The following ABI2 variants were observed in gnomAD, a reference collection of about 807,000 sequenced individuals.
ABI2 encodes abl interactor 2.
ABI2 carries 25 observed loss-of-function variants against 59.2 expected under a neutral mutation model. The ratio of observed to expected loss-of-function variants is 0.42; its 90% CI spans 0.31 to 0.59. The LOEUF (loss-of-function observed/expected upper bound fraction) is 0.59, where lower values mean the gene tolerates loss of function less well. Among genes scored for constraint, ABI2 ranks in the 20% least tolerant of loss-of-function variants. The pLI, the probability that ABI2 is intolerant of heterozygous loss-of-function variation, is 0.14. For missense variants in ABI2, 545 were observed against 681.8 expected, an observed-to-expected ratio of 0.80 and a Z score of 2.23; for synonymous variants, 213 against 235.5, an observed-to-expected ratio of 0.90 and a Z score of 0.87.
At chr2:203,381,888 C>A (rs1005314450) in intron 3 of ABI2, among the ~76,000 whole-genome samples, 3 of 152,078 alleles carry the variant, frequency 2.0e-5, no homozygotes, top group African/African-American at 7.2e-5. Flanking sequence ...GTTTTTCTTT[C>A]AGGATTCTAG....
chr2:203,371,784 G>A (rs928242226), intron 2 of ABI2, among the ~76,000 whole-genome samples: 3 of 151,870 alleles, frequency 2.0e-5, no homozygotes, highest in South Asian at 2.1e-4. Context: ...TTATTATAAG[G>A]ATGAATGTTG....
intron 1 of ABI2, among the ~76,000 whole-genome samples, chr2:203,353,821 T>TAA (rs2090364659): frequency 6.6e-6 from 1 of 152,206 alleles, no homozygotes; most frequent in African/African-American, 2.4e-5. Flanking sequence ...AACTCTTATC[T>TAA]GTTTCTTCTG....
At chr2:203,330,948 A>G (rs971197126) in intron 1 of ABI2, among the ~76,000 whole-genome samples, 2 of 152,186 alleles carry the variant, frequency 1.3e-5, no homozygotes, top group East Asian at 1.9e-4. Flanking sequence ...CGTTACTACT[A>G]TCAATCTCTG....
At chr2:203,350,827 T>A (rs2087613505) in intron 1 of ABI2, among the ~76,000 whole-genome samples, 1 of 151,798 alleles carries the variant, frequency 6.6e-6, no homozygotes, top group African/African-American at 2.4e-5. Context: ...CATGAGCCAC[T>A]GTTCCCGGCC....
intron 9 of ABI2, among the ~76,000 whole-genome samples, chr2:203,405,143 A>G (rs560168034): frequency 1.3e-5 from 2 of 152,312 alleles, no homozygotes; most frequent in African/African-American, 4.8e-5. Context: ...GTGTGAGTCA[A>G]TTTAGTTGTG....
At chr2:203,421,464 T>A (rs2098202464) in intron 11 of ABI2, among the ~76,000 whole-genome samples, 2 of 152,250 alleles carry the variant, frequency 1.3e-5, no homozygotes, top group Non-Finnish European at 2.9e-5. Context: ...GCAAACGGAT[T>A]GAGTTACTCA....
intron 6 of ABI2, 55 bp downstream of exon 6, chr2:203,394,901 A>G: frequency 6.4e-7 from 1 of 1,572,152 alleles, no homozygotes; most frequent in Non-Finnish European, 8.7e-7. Flanking sequence ...TAATCTGTTC[A>G]GATTACTTCA....
chr2:203,399,155 C>G (rs1253830955), intron 8 of ABI2, among the ~76,000 whole-genome samples: 3 of 152,312 alleles, frequency 2.0e-5, no homozygotes, highest in East Asian at 3.9e-4. Flanking sequence ...TAATTTTACA[C>G]TCCCAGCAGC....
Position 203,370,239 on chromosome 2 carries a change from T to C in ABI2, c.285+3195T>C, listed in dbSNP as rs1404870700. ...CTCTCTCTCTCTCTTTCTGTGTGTATGTGTGTGTGTGTACTTTTTTTTTTT... is the reference window on the plus strand; with the variant it reads ...CTCTCTCTCTCTCTTTCTGTGTGTACGTGTGTGTGTGTACTTTTTTTTTTT... On this transcript the variant is annotated intron_variant, in intron 2 of 11. Coordinates refer to ENST00000261018, the MANE Select transcript of ABI2 (RefSeq NM_001375670.1). 2.0e-5 allele frequency among the ~76,000 whole-genome samples: 3 copies of C among 151,276 alleles called. No homozygotes were observed. The East Asian group carries it at 5.8e-4, about 29-fold the overall frequency.
chr2:203,393,336 T>C (rs2096845497), intron 5 of ABI2, among the ~76,000 whole-genome samples: 1 of 152,274 alleles, frequency 6.6e-6, no homozygotes, highest in South Asian at 2.1e-4. Flanking sequence ...ATTACAGGCA[T>C]GAGCCACTGC....
At position 203,392,275 on chromosome 2, in the gene ABI2, T is replaced by TCACCAC. The variant is rs75654136; in HGVS notation, c.578+1168_578+1173dup. ...TTTGGCTTCCTCAGCACCACCACCA[T>TCACCAC]CACCACCACCACCACCACCACCACC... On this transcript the variant is annotated intron_variant, in intron 5 of 11. Transcript: ENST00000261018. Among the ~76,000 whole-genome samples the TCACCAC allele has an allele frequency of 1.2e-3, 153 of 127,366 alleles. 1 individual carries two copies. The East Asian group carries it at 0.021, about 17-fold the overall frequency. The allele number at this position is 127,366 out of a possible 152,430, so 83.6% of individuals were successfully genotyped here.
intron 10 of ABI2, among the ~76,000 whole-genome samples, chr2:203,416,120 G>C (rs2097882183): frequency 6.6e-6 from 1 of 152,052 alleles, no homozygotes; most frequent in Non-Finnish European, 1.5e-5. Context: ...AAAGTAGTGG[G>C]TTATTAAAAT....
At chr2:203,409,232 A>G (rs2097559496) in intron 9 of ABI2, among the ~76,000 whole-genome samples, 1 of 152,202 alleles carries the variant, frequency 6.6e-6, no homozygotes, top group African/African-American at 2.4e-5. Context: ...TGGGAAGCAG[A>G]CACGCAAGTC....
chr2:203,410,503 C>T (rs184655819), intron 9 of ABI2, among the ~76,000 whole-genome samples: 1 of 152,002 alleles, frequency 6.6e-6, no homozygotes, highest in Non-Finnish European at 1.5e-5. Flanking sequence ...TTTATTAGTT[C>T]TAGGCACTGT....
At chr2:203,397,023 C>T in intron 8 of ABI2, 56 bp downstream of exon 8, 1 of 1,305,076 alleles carries the variant, frequency 7.7e-7, no homozygotes, top group South Asian at 2.4e-5. Flanking sequence ...TATTCTCTTA[C>T]TTGCACCTCT....
chr2:203,426,644 A>G (rs2098432552), intron 11 of ABI2, among the ~76,000 whole-genome samples: 1 of 152,192 alleles, frequency 6.6e-6, no homozygotes, highest in Non-Finnish European at 1.5e-5. Context: ...TTGAACCACC[A>G]TTCTACTTAG....
chr2:203,338,961 T>A (rs867536813), intron 1 of ABI2, among the ~76,000 whole-genome samples: 4 of 17,688 alleles, frequency 2.3e-4, no homozygotes, highest in African/African-American at 5.5e-4. Context: ...TATATATATA[T>A]AAATATATAT....
chr2:203,416,487 G>C (rs2097900093), intron 10 of ABI2, among the ~76,000 whole-genome samples: 1 of 151,994 alleles, frequency 6.6e-6, no homozygotes, highest in Non-Finnish European at 1.5e-5. Flanking sequence ...GTAGAGGCAG[G>C]GTTTCACCAT....
chr2:203,366,059 T>C (rs1189572389), intron 1 of ABI2, among the ~76,000 whole-genome samples: 1 of 152,226 alleles, frequency 6.6e-6, no homozygotes, highest in African/African-American at 2.4e-5. Flanking sequence ...TAAACTGTCA[T>C]AGTATTTCTT....
Sources: allele counts gnomAD v4.1 joint callset (sites outside exome capture counted in the v4.1 genomes callset), GRCh38; gene constraint gnomAD v4.1.1; transcripts MANE v1.5; gene names NCBI Gene and HGNC (gene_info 2026-07-23, HGNC 2026-07-21).